FAT2: variants seen among roughly 807,000 people sequenced by gnomAD.
FAT2 encodes the protein protocadherin Fat 2.
Under a neutral mutation model 295.3 loss-of-function variants are expected in FAT2, and 150 were observed. The ratio of observed to expected loss-of-function variants is 0.51; its 90% confidence interval spans 0.44 to 0.58. The LOEUF (loss-of-function observed/expected upper bound fraction) is 0.58, where lower values mean the gene tolerates loss of function less well. Ranked by LOEUF, FAT2 falls within the 20% of genes least tolerant of loss-of-function variation. The pLI is 0.00. For missense variants in FAT2, 4,868 were observed against 5,442.7 expected (o/e 0.89, Z 3.32); for synonymous variants, 2,026 against 2,150.3 (o/e 0.94, Z 1.60).
chr5:151,517,590 A>G (rs1268914768), intron 20 of FAT2, 30 bp downstream of exon 20: 3 of 1,612,816 alleles, frequency 1.9e-6, no homozygotes, highest in East Asian at 2.2e-5. Context: ...GGACACCCAC[A>G]TGAAATCTCT....
intron 14 of FAT2, among the ~76,000 whole-genome samples, chr5:151,530,563 A>C (rs1754479963): frequency 6.6e-6 from 1 of 152,262 alleles, no homozygotes; most frequent in Non-Finnish European, 1.5e-5. Flanking sequence ...AAAATCTTGC[A>C]TATCAACCAA....
chr5:151,549,373 C>CG lies in FAT2; in HGVS notation c.4710dup (p.Gly1571ArgfsTer13). The stretch of plus-strand genomic sequence containing the variant: ...GCTCGGACCTGCAGCAGCTCTGTGC[C>CG]GGGGGCTATGGTGTCAGGAACACTT... On this transcript the variant is annotated frameshift_variant, in exon 9 of 24. Transcript: ENST00000261800. LOFTEE classifies it high-confidence loss of function. 1 of 1,613,968 alleles carries CG rather than the reference C, an allele frequency of 6.2e-7. No homozygotes were observed. Among genetic ancestry groups the CG allele is most frequent in the Non-Finnish European group, 8.5e-7 (1 of 1,180,010 alleles).
Position 151,591,188 on chromosome 5 carries a change from G to A in FAT2, c.-44C>T, listed in dbSNP as rs918984205. ...ACCTGTGCCCTTCAGGTAGGGGAGG[G>A]TGCCCCAGAGCAGGCTGCTGGGCTG... On this transcript the variant is annotated 5_prime_UTR_variant, in exon 1 of 24. Coordinates refer to ENST00000261800, the MANE Select transcript of FAT2 (RefSeq NM_001447.3). 1.3e-5 allele frequency among the ~76,000 whole-genome samples: 2 copies of A among 152,216 alleles called. No homozygotes were observed. The highest frequency in any genetic ancestry group is 1.3e-4 in the Admixed American group (2 of 15,282).
At chr5:151,520,978 G>A (rs1009544818) in intron 19 of FAT2, among the ~76,000 whole-genome samples, 3 of 152,218 alleles carry the variant, frequency 2.0e-5, no homozygotes, top group African/African-American at 7.2e-5. Flanking sequence ...AAGGGGTAGA[G>A]CTGGGATTTT....
At chr5:151,530,234 C>A in intron 14 of FAT2, among the ~76,000 whole-genome samples, 1 of 149,698 alleles carries the variant, frequency 6.7e-6, no homozygotes. Context: ...CTGAACTTAC[C>A]ATCTATCTTA....
At chr5:151,572,286 G>A (rs1166496671) in intron 1 of FAT2, among the ~76,000 whole-genome samples, 3 of 152,064 alleles carry the variant, frequency 2.0e-5, no homozygotes, top group Non-Finnish European at 1.5e-5. Flanking sequence ...AATACTAGTT[G>A]AGAAATGGAA....
rs34791158 is a variant in FAT2 at position 151,545,481 on chromosome 5, G to C, written c.5646C>G (p.Val1882=). 1.9e-3 allele frequency: 2,989 copies of C among 1,614,140 alleles called. 42 individuals carry two copies. The African/African-American group carries it at 0.035, about 19-fold the overall frequency. Residue 1882 remains valine (V), a synonymous_variant, in exon 10 of 24, where the codon GTC becomes GTG. Coordinates refer to ENST00000261800, the MANE Select transcript of FAT2 (RefSeq NM_001447.3). ...GCTCCATGCCTGGATGGATAGGCCCGACTATTGCTACCTCATATATCTGTT... is the reference window on the plus strand; with the variant it reads ...GCTCCATGCCTGGATGGATAGGCCCCACTATTGCTACCTCATATATCTGTT... The part of the protein sequence containing the change: ...FSEQIYEVAI[V]GPIHPGMELL...
At chr5:151,550,473 C>G in intron 8 of FAT2, 117 bp downstream of exon 8, 1 of 1,187,270 alleles carries the variant, frequency 8.4e-7, no homozygotes, top group Non-Finnish European at 1.2e-6. Context: ...TGTCACAACT[C>G]TGTCTCGTGC....
chr5:151,558,170 C>A lies in FAT2; in HGVS notation c.3575-1768G>T, dbSNP rs531987079. Among the ~76,000 whole-genome samples, 48 of 152,278 alleles carry A rather than the reference C, an allele frequency of 3.2e-4. No individual in the cohort carries two copies. In the South Asian group the frequency reaches 9.9e-3, roughly 32 times the overall value. On this transcript the variant is annotated intron_variant, in intron 3 of 23. Coordinates refer to ENST00000261800, the MANE Select transcript of FAT2 (RefSeq NM_001447.3). ...GGAAGATGAGTTCACACGGTGTTCA[C>A]CTGAGTCACGTTTTAAAAAGCCAAT...
intron 1 of FAT2, among the ~76,000 whole-genome samples, chr5:151,584,677 G>A (rs115638505): frequency 1.8e-3 from 273 of 152,240 alleles, no homozygotes; most frequent in African/African-American, 6.4e-3. Flanking sequence ...AACCCACAAA[G>A]GCAGGTACTA....
In FAT2 at chr5:151,568,782, G is replaced by A; in HGVS notation, c.150C>T (p.Thr50=). The A allele has an allele frequency of 1.2e-6, 2 of 1,614,150 alleles. No individual in the cohort carries two copies. The highest frequency in any genetic ancestry group is 1.7e-6 in the Non-Finnish European group (2 of 1,180,026). Residue 50 remains threonine, a synonymous_variant, in exon 2 of 24, where the codon ACC becomes ACT. Transcript: ENST00000261800. ...CCATTTTCTCGAAGCTCTCCACATA[G>A]GTCTTGGGAGAAGAATTTTCATAGA... ...ATIYENSSPK[T]YVESFEKMGI... is the part of the protein sequence containing the mutation.
Position 151,531,460 on chromosome 5 carries a change from A to G in FAT2, c.9811+127T>C. The G allele has an allele frequency of 7.8e-7, 1 of 1,282,722 alleles. No individual in the cohort carries two copies. The highest frequency in any genetic ancestry group is 1.5e-5 in the African/African-American group (1 of 66,934). 79.5% of individuals were successfully genotyped at this position (1,282,722 alleles called of 1,614,324 possible). A position where few individuals can be genotyped will look rare whatever the true frequency, so the allele number is the denominator to read the frequency against. On this transcript the variant is annotated intron_variant, in intron 14 of 23. Transcript: ENST00000261800. The surrounding 1 kb of genome is among the most constrained non-coding windows in gnomAD (Gnocchi z 5.7). ...CTCGGAGAGAAGCAGAAGAGAATGG[A>G]GAAACGACCAGAGGAGGTCTGCTCT... is the stretch of plus-strand genomic sequence containing the variant.
At chr5:151,570,223 C>T (rs924812062) in intron 1 of FAT2, among the ~76,000 whole-genome samples, 1 of 152,180 alleles carries the variant, frequency 6.6e-6, no homozygotes, top group Non-Finnish European at 1.5e-5. Flanking sequence ...CCTATTTATA[C>T]CTGTTTCACC....
At chr5:151,538,937 C>T (rs1021590923) in intron 11 of FAT2, among the ~76,000 whole-genome samples, 4 of 151,926 alleles carry the variant, frequency 2.6e-5, no homozygotes, top group Non-Finnish European at 4.4e-5. Flanking sequence ...CCGCCTGCCT[C>T]GGCCTCCCAA....
chr5:151,542,812 A>C lies in FAT2; in HGVS notation c.8315T>G (p.Leu2772Arg). Residue 2772 changes from leucine (L) to arginine (R), a missense_variant, in exon 10 of 24, where the codon CTT becomes CGT. By Grantham distance (102) the Leu-to-Arg change is moderately radical. Coordinates refer to ENST00000261800, the MANE Select transcript of FAT2 (RefSeq NM_001447.3). ...LYQIDVMAHC[L>R]QNTDVVSLVS... Reference sequence around the variant, plus strand: ...CAAGGACACCACATCAGTGTTCTGAAGGCAATGTGCCATCACATCAATCTG... The same window carrying C: ...CAAGGACACCACATCAGTGTTCTGACGGCAATGTGCCATCACATCAATCTG... The C allele has an allele frequency of 6.2e-7, 1 of 1,614,078 alleles. No homozygotes were observed. Among genetic ancestry groups the C allele is most frequent in the East Asian group, 2.2e-5 (1 of 44,880 alleles).
At chr5:151,552,529 A>G (rs534535914) in intron 6 of FAT2, among the ~76,000 whole-genome samples, 9 of 152,300 alleles carry the variant, frequency 5.9e-5, no homozygotes, top group African/African-American at 2.2e-4. Context: ...ATGGGTTTCA[A>G]AGGGCCTATA....
rs777929497 is a variant in FAT2, at chr5:151,566,015, G to T, written c.2917C>A (p.Arg973=). ...VLMDGAHGTF[R]VDLMTGALIL... Reference sequence around the variant, plus strand: ...AGCGCCCCTGTCATCAGGTCCACCCGGAAGGTCCCATGGGCGCCATCCATC... The same window carrying T: ...AGCGCCCCTGTCATCAGGTCCACCCTGAAGGTCCCATGGGCGCCATCCATC... The change falls in exon 2 of 24, where the codon CGG becomes AGG. Residue 973 remains arginine (R), a synonymous_variant. Transcript: ENST00000261800. 49 of 1,614,108 alleles carry T rather than the reference G, an allele frequency of 3.0e-5. No individual in the cohort carries two copies. The highest frequency in any genetic ancestry group is 4.2e-5 in the Non-Finnish European group (49 of 1,180,022).
In FAT2 at chr5:151,531,856, G is replaced by A. The variant is rs200357564; in HGVS notation, c.9542C>T (p.Ala3181Val). 2.4e-5 allele frequency: 38 copies of A among 1,614,128 alleles called. 1 individual carries two copies. In the Admixed American group the frequency reaches 4.8e-4, roughly 21 times the overall value. The change falls in exon 14 of 24, where the codon GCA becomes GTA. Residue 3181 changes from alanine (A) to valine (V), a missense_variant. By Grantham distance (64) the Ala-to-Val change is moderately conservative (BLOSUM62 0). This residue lies in a region of FAT2 where 1,046 missense variants were observed against 1,210.1 expected (regional missense o/e 0.86). Transcript: ENST00000261800. This position sits in a 1 kb window ranked among gnomAD's most constrained non-coding sequence, Gnocchi z 5.7. ...GGCACGGACCGTGAGCTCCAGTGGT[G>A]CCTGGGGCCTGACCTGCAGCGGCTT... The part of the protein sequence containing the change: ...LEKPLQVRPQ[A>V]PLELTVRASD...
At chr5:151,565,510 AC>A (rs1473067027) in intron 2 of FAT2, among the ~76,000 whole-genome samples, 162 bp downstream of exon 2, 3 of 152,056 alleles carry the variant, frequency 2.0e-5, no homozygotes, top group African/African-American at 7.2e-5. Context: ...CCCAGTAAAA[AC>A]AAATTAAAAA....
Sources: gnomAD v4.1 joint callset for allele counts (sites outside exome capture counted in the v4.1 genomes callset) on GRCh38, gnomAD v4.1.1 for gene constraint, gnomAD v4.1.1 regional missense constraint, Gnocchi (gnomAD v3.1) non-coding constraint, MANE v1.5 for transcripts, NCBI Gene and HGNC (gene_info 2026-07-23, HGNC 2026-07-21) for gene names.